ZNF764: variants seen among roughly 807,000 people sequenced by gnomAD.
The protein encoded by ZNF764 is zinc finger protein 764.
Under a neutral mutation model 13.9 loss-of-function variants are expected in ZNF764, and 10 were observed. The ratio of observed to expected loss-of-function variants is 0.72; its 90% CI spans 0.44 to 1.22. The LOEUF (loss-of-function observed/expected upper bound fraction) is 1.22. Ranked by LOEUF, ZNF764 falls within the 50% of genes most tolerant of loss-of-function variation. ZNF764 has a pLI of 0.00. For missense variants in ZNF764, 647 were observed against 589.7 expected (o/e 1.10, Z -1.01); for synonymous variants, 313 against 255.1 (o/e 1.23, Z -2.16).
Position 30,558,064 on chromosome 16 carries a change from C to T in ZNF764, c.119G>A (p.Trp40Ter). The T allele has an allele frequency of 1.2e-6, 2 of 1,612,242 alleles. No homozygotes were observed. The highest frequency in any genetic ancestry group is 1.7e-6 in the Non-Finnish European group (2 of 1,179,482). ...CCTCTGCGCTGGCCGCAAGCAGCCCCACTCCTCCCGGCAGAAGTACACGGC... is the reference window on the plus strand; with the variant it reads ...CCTCTGCGCTGGCCGCAAGCAGCCCTACTCCTCCCGGCAGAAGTACACGGC... Reference protein sequence around the residue: ...DVAVYFCREEWGCLRPAQRAL... With the variant: ...DVAVYFCREE Residue 40 changes from tryptophan (W) to a stop codon, truncating the protein, a stop_gained, in exon 1 of 3, where the codon TGG (tryptophan) becomes TAG (stop). Transcript: ENST00000395091. LOFTEE classifies it high-confidence loss of function.
intron 2 of ZNF764, 117 bp from the exon 3 acceptor site, chr16:30,556,224 G>A (rs571356641): frequency 2.5e-6 from 3 of 1,205,864 alleles, no homozygotes; most frequent in African/African-American, 3.0e-5. Flanking sequence ...GGGAGATGGA[G>A]GAGTGACACC....
rs958232196 is a variant in ZNF764 at position 30,558,254 on chromosome 16, C to T, written c.-72G>A. ...GCCTGGGCCTGCGGAACCTCCTGCG[C>T]CCGAGAAAGCCTCCCCGGCCCGGGC... On this transcript the variant is annotated 5_prime_UTR_variant, in exon 1 of 3. Transcript: ENST00000395091. The T allele has an allele frequency of 6.9e-7, 1 of 1,439,406 alleles. No homozygotes were observed. Among genetic ancestry groups the T allele is most frequent in the Non-Finnish European group, 9.1e-7 (1 of 1,096,580 alleles). The allele number at this position is 1,439,406 out of a possible 1,614,324, so 89.2% of individuals were successfully genotyped here. A position where few individuals can be genotyped will look rare whatever the true frequency, so the allele number is the denominator to read the frequency against.
Position 30,555,068 on chromosome 16 carries a change from T to C in ZNF764, c.*126A>G. 1.7e-6 allele frequency: 2 copies of C among 1,156,498 alleles called. No individual in the cohort carries two copies. The highest frequency in any genetic ancestry group is 2.7e-5 in the East Asian group (1 of 37,642). The allele number at this position is 1,156,498 out of a possible 1,614,324, so 71.6% of individuals were successfully genotyped here. Reference sequence around the variant, plus strand: ...GGCTGCTAAGGGCCCAAGATCAGACTGTCCGCACCCCAGGGCCAGCTCTTG... The same window carrying C: ...GGCTGCTAAGGGCCCAAGATCAGACCGTCCGCACCCCAGGGCCAGCTCTTG... On this transcript the variant is annotated 3_prime_UTR_variant, in exon 3 of 3. Coordinates refer to ENST00000395091, the MANE Select transcript of ZNF764 (RefSeq NM_001172679.2).
In ZNF764 at chr16:30,557,648, A is replaced by G. The variant is rs944214810; in HGVS notation, c.310+85T>C. 11 of 1,552,130 alleles carry G rather than the reference A, an allele frequency of 7.1e-6. No homozygotes were observed. In the African/African-American group the frequency reaches 1.1e-4, roughly 15 times the overall value. On this transcript the variant is annotated intron_variant, in intron 2 of 2. Coordinates refer to ENST00000395091, the MANE Select transcript of ZNF764 (RefSeq NM_001172679.2). Reference sequence around the variant, plus strand: ...AAGGCAGTTCAGAGAGGAAACTGCTAAGCAGGTAGCTGGAGGTGGCAGAGG... The same window carrying G: ...AAGGCAGTTCAGAGAGGAAACTGCTGAGCAGGTAGCTGGAGGTGGCAGAGG...
chr16:30,555,453 C>T lies in ZNF764; in HGVS notation c.965G>A (p.Cys322Tyr). 2 of 1,548,262 alleles carry T rather than the reference C, an allele frequency of 1.3e-6. No homozygotes were observed. Among genetic ancestry groups the T allele is most frequent in the Non-Finnish European group, 1.7e-6 (2 of 1,143,750 alleles). Residue 322 changes from cysteine to tyrosine, a missense_variant, in exon 3 of 3, where the codon TGC (cysteine) becomes TAC (tyrosine). Transcript: ENST00000395091. ...KPYPCPDCGR[C>Y]FRQSSEMAAH... ...TGCCATCTCCGAGCTCTGGCGGAAG[C>T]AGCGCCCGCAGTCCGGGCACGGGTA...
chr16:30,557,695 A>T, intron 2 of ZNF764, 38 bp downstream of exon 2: 6 of 1,611,050 alleles, frequency 3.7e-6, no homozygotes, highest in Non-Finnish European at 5.1e-6. Context: ...GGACAGGAAC[A>T]GAGAAGTCCC....
At chr16:30,557,936 C>A in intron 1 of ZNF764, 51 bp downstream of exon 1, 1 of 1,573,040 alleles carries the variant, frequency 6.4e-7, no homozygotes, top group Non-Finnish European at 8.6e-7. Context: ...CCCAGAGGCG[C>A]GGCAGGGCCT....
Position 30,555,751 on chromosome 16 carries a change from T to C in ZNF764, c.667A>G (p.Ile223Val), listed in dbSNP as rs1338585072. ...CGGTGGGGCCGCTCCCCACGATGGA[T>C]GGCCCGGTGTTTGCTCAGGGAGGAA... ...HASSLSKHRA[I>V]HRGERPHRCL... The change falls in exon 3 of 3, where the codon ATC becomes GTC. Residue 223 changes from isoleucine to valine, a missense_variant. Transcript: ENST00000395091. The C allele has an allele frequency of 3.1e-6, 5 of 1,606,684 alleles. No individual in the cohort carries two copies. The highest frequency in any genetic ancestry group is 2.2e-5 in the South Asian group (2 of 90,438).
Position 30,555,653 on chromosome 16 carries a change from C to T in ZNF764, c.765G>A (p.Glu255=). ...LTSHLRVHTG[E]KPYGCADCGR... ...CACAGTCGGCGCAGCCATAGGGTTT[C>T]TCGCCGGTGTGGACGCGCAGGTGCG... The change falls in exon 3 of 3, where the codon GAG becomes GAA. Residue 255 remains glutamate, a synonymous_variant. Coordinates refer to ENST00000395091, the MANE Select transcript of ZNF764 (RefSeq NM_001172679.2). The T allele has an allele frequency of 1.9e-6, 3 of 1,544,272 alleles. No homozygotes were observed. Among genetic ancestry groups the T allele is most frequent in the Non-Finnish European group, 2.6e-6 (3 of 1,149,202 alleles).
At position 30,555,741 on chromosome 16, in the gene ZNF764, C is replaced by A; in HGVS notation, c.677G>T (p.Gly226Val). 1 of 1,603,472 alleles carries A rather than the reference C, an allele frequency of 6.2e-7. No individual in the cohort carries two copies. The highest frequency in any genetic ancestry group is 8.5e-7 in the Non-Finnish European group (1 of 1,177,062). The change falls in exon 3 of 3, where the codon GGG (glycine) becomes GTG (valine). Residue 226 changes from glycine to valine, a missense_variant. By Grantham distance (109) the Gly-to-Val change is moderately radical. Transcript: ENST00000395091. ...SLSKHRAIHR[G>V]ERPHRCLECG... ...CTCCAGACAGCGGTGGGGCCGCTCCCCACGATGGATGGCCCGGTGTTTGCT... is the reference window on the plus strand; with the variant it reads ...CTCCAGACAGCGGTGGGGCCGCTCCACACGATGGATGGCCCGGTGTTTGCT...
rs772886904 is a variant in ZNF764, at chr16:30,556,034, G to A, written c.384C>T (p.Ala128=). 6.2e-6 allele frequency: 10 copies of A among 1,612,920 alleles called. No homozygotes were observed. The highest frequency in any genetic ancestry group is 2.2e-5 in the East Asian group (1 of 44,876). The change falls in exon 3 of 3, where the codon GCC becomes GCT. Residue 128 remains alanine (A), a synonymous_variant. Coordinates refer to ENST00000395091, the MANE Select transcript of ZNF764 (RefSeq NM_001172679.2). The part of the protein sequence containing the change: ...GALEKPDPVA[A]GSPGLKSPQA... ...GGGGAGACTTCAGCCCAGGAGACCC[G>A]GCGGCCACAGGGTCGGGCTTCTCCA...
Position 30,555,669 on chromosome 16 carries a change from C to G in ZNF764, c.749G>C (p.Arg250Pro). ...TQRSALTSHL[R>P]VHTGEKPYGC... ...ATAGGGTTTCTCGCCGGTGTGGACGCGCAGGTGCGAAGTCAGCGCCGAGCG... is the reference window on the plus strand; with the variant it reads ...ATAGGGTTTCTCGCCGGTGTGGACGGGCAGGTGCGAAGTCAGCGCCGAGCG... Residue 250 changes from arginine to proline, a missense_variant, in exon 3 of 3, where the codon CGC becomes CCC. Transcript: ENST00000395091. 6.4e-7 allele frequency: 1 copy of G among 1,551,384 alleles called. No homozygotes were observed. The highest frequency in any genetic ancestry group is 8.7e-7 in the Non-Finnish European group (1 of 1,152,286).
intron 2 of ZNF764, among the ~76,000 whole-genome samples, chr16:30,557,216 G>T (rs188943041): frequency 1.3e-5 from 2 of 152,078 alleles, no homozygotes; most frequent in Admixed American, 1.3e-4. Context: ...TGATACAGGA[G>T]AATTACTTGA....
Position 30,555,121 on chromosome 16 carries a change from C to T in ZNF764, c.*73G>A. The T allele has an allele frequency of 6.6e-7, 1 of 1,504,858 alleles. No individual in the cohort carries two copies. The highest frequency in any genetic ancestry group is 8.9e-7 in the Non-Finnish European group (1 of 1,122,658). 93.2% of individuals were successfully genotyped at this position (1,504,858 alleles called of 1,614,324 possible). A position where few individuals can be genotyped will look rare whatever the true frequency, so the allele number is the denominator to read the frequency against. ...CTAGATTCTGGGACCTCCCTGCAGG[C>T]CGCCGCAGAGGTTCGGGCCCCTGAG... On this transcript the variant is annotated 3_prime_UTR_variant, in exon 3 of 3. Transcript: ENST00000395091.
Position 30,557,757 on chromosome 16 carries a change from T to G in ZNF764, c.286A>C (p.Lys96Gln). The change falls in exon 2 of 3, where the codon AAA (lysine) becomes CAA (glutamine). Residue 96 changes from lysine to glutamine, a missense_variant. By Grantham distance (53) the Lys-to-Gln change is moderately conservative. Coordinates refer to ENST00000395091, the MANE Select transcript of ZNF764 (RefSeq NM_001172679.2). ...CCTGGGTCCGTTTGTGTCTGACATT[T>G]CGCCACCTCCGGATCCTGGGCAGCC... ...GPAAQDPEVA[K>Q]CQTQTDPDSR... The G allele has an allele frequency of 6.2e-7, 1 of 1,613,660 alleles. No individual in the cohort carries two copies. The highest frequency in any genetic ancestry group is 8.5e-7 in the Non-Finnish European group (1 of 1,179,780).
chr16:30,557,102 T>C (rs544264522), intron 2 of ZNF764, among the ~76,000 whole-genome samples: 1 of 143,778 alleles, frequency 7.0e-6, no homozygotes, highest in African/African-American at 2.6e-5. Context: ...ATGGCGCCAC[T>C]GCACTCCAGC....
intron 2 of ZNF764, 113 bp downstream of exon 2, chr16:30,557,620 G>A: frequency 1.4e-6 from 2 of 1,449,018 alleles, no homozygotes; most frequent in Non-Finnish European, 9.3e-7. Flanking sequence ...CGTCGCAGTT[G>A]AGAAGGCAGT....
At chr16:30,557,559 A>C (rs1480036941) in intron 2 of ZNF764, among the ~76,000 whole-genome samples, 174 bp downstream of exon 2, 1 of 152,112 alleles carries the variant, frequency 6.6e-6, no homozygotes, top group African/African-American at 2.4e-5. Flanking sequence ...AGCCCCCATC[A>C]CAGCTCCTTT....
At position 30,555,072 on chromosome 16, in the gene ZNF764, C is replaced by T. The variant is rs961656962; in HGVS notation, c.*122G>A. On this transcript the variant is annotated 3_prime_UTR_variant, in exon 3 of 3. Coordinates refer to ENST00000395091, the MANE Select transcript of ZNF764 (RefSeq NM_001172679.2). ...GCTAAGGGCCCAAGATCAGACTGTC[C>T]GCACCCCAGGGCCAGCTCTTGCCCT... 2.5e-5 allele frequency: 30 copies of T among 1,221,104 alleles called. No homozygotes were observed. Among genetic ancestry groups the T allele is most frequent in the Non-Finnish European group, 3.0e-5 (27 of 888,486 alleles). The allele number at this position is 1,221,104 out of a possible 1,614,324, so 75.6% of individuals were successfully genotyped here.
Sources: allele counts gnomAD v4.1 joint callset (sites outside exome capture counted in the v4.1 genomes callset), GRCh38; gene constraint gnomAD v4.1.1; transcripts MANE v1.5; gene names NCBI Gene and HGNC (gene_info 2026-07-23, HGNC 2026-07-21).